HDAC9: variants seen among roughly 807,000 people sequenced by gnomAD.
The protein encoded by HDAC9 is histone deacetylase 9.
A neutral mutation model predicts 139.4 loss-of-function variants in HDAC9; 41 were observed. That is an observed-to-expected ratio of 0.29 (90% CI 0.23 to 0.38). HDAC9 has a LOEUF of 0.38. HDAC9 is among the 10% of genes least tolerant of loss of function. HDAC9 has a pLI of 1.00. For missense variants in HDAC9, 1,147 were observed against 1,297.0 expected (o/e 0.88, Z 1.78); for synonymous variants, 517 against 476.2 (o/e 1.09, Z -1.12).
chr7:18,753,844 A>G (rs557261386), intron 14 of HDAC9, among the ~76,000 whole-genome samples: 4 of 152,190 alleles, frequency 2.6e-5, no homozygotes, highest in South Asian at 2.1e-4. Flanking sequence ...GTGTTAGGCA[A>G]GATATTTGCT....
At chr7:18,379,378 A>G (rs13224972) in intron 1 of HDAC9, among the ~76,000 whole-genome samples, 1 of 152,236 alleles carries the variant, frequency 6.6e-6, no homozygotes, top group Non-Finnish European at 1.5e-5. Flanking sequence ...CAGACAAACA[A>G]CAGCTTTGTC....
At chr7:18,911,359 C>T (rs571227117) in intron 22 of HDAC9, among the ~76,000 whole-genome samples, 9 of 151,336 alleles carry the variant, frequency 5.9e-5, no homozygotes, top group African/African-American at 9.7e-5. Context: ...GTTGTATAGT[C>T]GGTGTCAGTT....
intron 1 of HDAC9, among the ~76,000 whole-genome samples, chr7:18,293,292 G>C (rs551575975): frequency 6.9e-6 from 1 of 145,726 alleles, no homozygotes; most frequent in African/African-American, 2.7e-5. Context: ...TCACTGTTAT[G>C]TCACATTCTT....
At chr7:18,365,860 A>G (rs1270612541) in intron 1 of HDAC9, among the ~76,000 whole-genome samples, 1 of 151,976 alleles carries the variant, frequency 6.6e-6, no homozygotes, top group Non-Finnish European at 1.5e-5. Flanking sequence ...GTAATTTCCA[A>G]ATAGAGTTGA....
chr7:18,362,618 A>G (rs1783868969), intron 1 of HDAC9, among the ~76,000 whole-genome samples: 2 of 152,164 alleles, frequency 1.3e-5, no homozygotes, highest in African/African-American at 4.8e-5. Flanking sequence ...TGGATTGATG[A>G]AATTTTTTTT....
chr7:18,298,414 CTT>C (rs970743015), intron 1 of HDAC9, among the ~76,000 whole-genome samples: 4 of 151,968 alleles, frequency 2.6e-5, no homozygotes, highest in South Asian at 2.1e-4. Context: ...TTAGGTATAT[CTT>C]CCAATGCTAT....
intron 1 of HDAC9, among the ~76,000 whole-genome samples, chr7:18,344,093 G>A (rs17347075): frequency 0.35 from 53,135 of 151,448 alleles, 10,715 homozygotes; most frequent in Non-Finnish European, 0.44. Flanking sequence ...TGGGGGAGTG[G>A]CCTTTGACAG....
chr7:18,839,868 C>T (rs1354978398), intron 21 of HDAC9, among the ~76,000 whole-genome samples: 1 of 151,976 alleles, frequency 6.6e-6, no homozygotes, highest in Non-Finnish European at 1.5e-5. Flanking sequence ...TTTAAGAGTA[C>T]TGCAAATGTT....
Position 18,453,521 on chromosome 7 carries a change from G to A in HDAC9, c.-41-42741G>A, listed in dbSNP as rs114596211. 8.1e-3 allele frequency among the ~76,000 whole-genome samples: 1,238 copies of A among 152,226 alleles called. 14 individuals are homozygous for A. The highest frequency in any genetic ancestry group is 0.027 in the African/African-American group (1,115 of 41,550). On this transcript the variant is annotated intron_variant, in intron 1 of 3. Transcript: ENST00000413509. ...GTTAAGAAAGAGGCTGAGGTTTGTCGGAAAAGAATTAGTAGTGCTTATCTG... is the reference window on the plus strand; with the variant it reads ...GTTAAGAAAGAGGCTGAGGTTTGTCAGAAAAGAATTAGTAGTGCTTATCTG...
chr7:18,582,605 T>G (rs973914804), intron 2 of HDAC9, among the ~76,000 whole-genome samples: 1 of 152,198 alleles, frequency 6.6e-6, no homozygotes. Context: ...ACATTATTTT[T>G]AATGAATGCG....
chr7:18,321,919 T>C (rs1434779066), intron 1 of HDAC9, among the ~76,000 whole-genome samples: 1 of 152,208 alleles, frequency 6.6e-6, no homozygotes. Flanking sequence ...CTTTCCATTA[T>C]GTATTCGCCT....
intron 2 of HDAC9, among the ~76,000 whole-genome samples, chr7:18,250,002 G>A (rs780285834): frequency 6.6e-6 from 1 of 152,172 alleles, no homozygotes; most frequent in Non-Finnish European, 1.5e-5. Flanking sequence ...GAGAGCAACA[G>A]AGTGAGCCCC....
chr7:18,735,719 C>A (rs1786822720), intron 13 of HDAC9, among the ~76,000 whole-genome samples: 1 of 152,184 alleles, frequency 6.6e-6, no homozygotes, highest in Admixed American at 6.5e-5. Context: ...GCTATGCAGG[C>A]TCTTTTCTGG....
intron 2 of HDAC9, among the ~76,000 whole-genome samples, chr7:18,552,880 A>T (rs1432883313): frequency 2.0e-5 from 3 of 152,186 alleles, no homozygotes; most frequent in Non-Finnish European, 4.4e-5. Flanking sequence ...AAGAGAGAAG[A>T]TTATTCTTCC....
chr7:18,108,182 CAG>C (rs1167366903), intron 1 of HDAC9, among the ~76,000 whole-genome samples: 1 of 152,118 alleles, frequency 6.6e-6, no homozygotes, highest in Non-Finnish European at 1.5e-5. Flanking sequence ...TGTTAATACC[CAG>C]AGTTTCCAAC....
intron 16 of HDAC9, among the ~76,000 whole-genome samples, chr7:18,781,101 C>G (rs1338364553): frequency 1.3e-5 from 2 of 152,020 alleles, no homozygotes; most frequent in Non-Finnish European, 2.9e-5. Context: ...AAGCTTTTCT[C>G]TGTTCATGCG....
At chr7:18,659,272 C>G (rs1240892198) in intron 11 of HDAC9, among the ~76,000 whole-genome samples, 1 of 152,140 alleles carries the variant, frequency 6.6e-6, no homozygotes. Flanking sequence ...ATATAATTTA[C>G]ACAGAGGTGA....
At chr7:18,824,044 GGAAGAAGAAGAAGAAGAA>G (rs1554367872) in intron 17 of HDAC9, among the ~76,000 whole-genome samples, 1 of 67,118 alleles carries the variant, frequency 1.5e-5, no homozygotes, top group East Asian at 4.7e-4. Flanking sequence ...AAGAGGAAGA[GGAAGAAGAAGAAGAAGAA>G]GAAGAAGAAG....
intron 14 of HDAC9, among the ~76,000 whole-genome samples, chr7:18,753,662 C>A (rs1319227129): frequency 1.3e-5 from 2 of 152,078 alleles, no homozygotes; most frequent in Non-Finnish European, 2.9e-5. Context: ...ACAACTCAAA[C>A]TTTTGGTTTA....
Sources: gnomAD v4.1 joint callset for allele counts (sites outside exome capture counted in the v4.1 genomes callset) on GRCh38, gnomAD v4.1.1 for gene constraint, MANE v1.5 for transcripts, NCBI Gene and HGNC (gene_info 2026-07-23, HGNC 2026-07-21) for gene names.